The following PROX1 variants were observed in gnomAD, a reference collection of about 807,000 sequenced individuals.
The protein encoded by PROX1 is prospero homeobox protein 1.
A neutral mutation model predicts 58.8 loss-of-function variants in PROX1; 7 were observed. The observed-to-expected ratio is 0.12, with a 90% CI of 0.07 to 0.22. PROX1 has a LOEUF of 0.22. Ranked by LOEUF, PROX1 falls within the 10% of genes least tolerant of loss-of-function variation. PROX1 has a pLI of 1.00. For missense variants in PROX1, 675 were observed against 927.8 expected, an observed-to-expected ratio of 0.73 and a Z score of 3.54; for synonymous variants, 350 against 358.3, an observed-to-expected ratio of 0.98 and a Z score of 0.26.
Position 214,011,636 on chromosome 1 carries a change from C to T in PROX1, c.1949C>T (p.Thr650Ile). 1 of 1,614,110 alleles carries T rather than the reference C, an allele frequency of 6.2e-7. No individual in the cohort carries two copies. The highest frequency in any genetic ancestry group is 1.7e-5 in the Admixed American group (1 of 60,024). Residue 650 changes from threonine (T) to isoleucine (I), a missense_variant, in exon 4 of 5, where the codon ACT (threonine) becomes ATT (isoleucine). Thr to Ile is a moderately conservative substitution (Grantham distance 89, BLOSUM62 -1). Transcript: ENST00000366958. ...RQAINDGVTS[T>I]EELSITRDCE... ...GCCATCAACGATGGGGTCACCAGTA[C>T]TGAAGAGCTGTCTATAACCAGAGAC...
rs562967272 is a variant in PROX1 at position 214,005,266 on chromosome 1, C to T, written c.1827C>T (p.Asp609=). The T allele has an allele frequency of 1.2e-5, 19 of 1,609,250 alleles. No homozygotes were observed. The highest frequency in any genetic ancestry group is 1.7e-4 in the Middle Eastern group (1 of 6,048). ...ATATGCTGAAGACCTACTTCTCCGA[C>T]GTAAAGGTAGGGACTTTTTTTATTC... is the stretch of plus-strand genomic sequence containing the variant. ...SSNMLKTYFS[D]VKFNRCITSQ... The change falls in exon 3 of 5, where the codon GAC becomes GAT. Residue 609 remains aspartate (D), a synonymous_variant. Coordinates refer to ENST00000366958, the MANE Select transcript of PROX1 (RefSeq NM_001270616.2).
chr1:214,036,498 C>A lies in PROX1; in HGVS notation c.*664C>A, dbSNP rs1425888775. On this transcript the variant is annotated 3_prime_UTR_variant, in exon 5 of 5. Coordinates refer to ENST00000366958, the MANE Select transcript of PROX1 (RefSeq NM_001270616.2). Reference sequence around the variant, plus strand: ...AAGTCGTACCAGTTTCTTCTGGAGGCAAAGCAATTTTGCACAAAACCAGCT... The same window carrying A: ...AAGTCGTACCAGTTTCTTCTGGAGGAAAAGCAATTTTGCACAAAACCAGCT... 6.6e-6 allele frequency: 1 copy of A among 152,140 alleles called. No homozygotes were observed. Among genetic ancestry groups the A allele is most frequent in the East Asian group, 1.9e-4 (1 of 5,200 alleles). The allele number at this position is 152,140 out of a possible 1,614,324, so 9.4% of individuals were successfully genotyped here. A position where few individuals can be genotyped will look rare whatever the true frequency, so the allele number is the denominator to read the frequency against.
chr1:213,999,690 G>A (rs547550803), intron 2 of PROX1, among the ~76,000 whole-genome samples: 31 of 152,276 alleles, frequency 2.0e-4, no homozygotes, highest in African/African-American at 6.3e-4. Flanking sequence ...CTACATATAC[G>A]TAGAAATGGA....
chr1:213,983,674 C>T (rs1437631844), upstream of PROX1: 1 of 152,270 alleles, frequency 6.6e-6, no homozygotes, highest in South Asian at 2.1e-4. Flanking sequence ...TCGCGGGAAC[C>T]CCCAGATACG....
chr1:213,985,859 C>T (rs1001946866), upstream of PROX1: 12 of 152,222 alleles, frequency 7.9e-5, no homozygotes, highest in African/African-American at 2.9e-4. Flanking sequence ...TCTCTGCTCT[C>T]CGCCCTTTTA....
At chr1:214,026,879 C>A (rs1664476719) in intron 4 of PROX1, among the ~76,000 whole-genome samples, 1 of 152,134 alleles carries the variant, frequency 6.6e-6, no homozygotes, top group Non-Finnish European at 1.5e-5. Flanking sequence ...CCTGTCAATT[C>A]AAGGTAGATC....
intron 1 of PROX1, among the ~76,000 whole-genome samples, chr1:213,994,776 T>A (rs1459010757): frequency 2.2e-5 from 1 of 45,908 alleles, no homozygotes; most frequent in South Asian, 7.3e-4. Context: ...TATATATATA[T>A]ATATATATAT....
chr1:214,020,075 A>G (rs748008016), intron 4 of PROX1, among the ~76,000 whole-genome samples: 2 of 152,180 alleles, frequency 1.3e-5, no homozygotes, highest in Non-Finnish European at 2.9e-5. Flanking sequence ...GCTCGCCACC[A>G]TGAAGACTAA....
intron 4 of PROX1, among the ~76,000 whole-genome samples, chr1:214,017,679 C>T (rs1436027044): frequency 6.6e-6 from 1 of 152,014 alleles, no homozygotes; most frequent in Non-Finnish European, 1.5e-5. Flanking sequence ...CCTCCCTCAC[C>T]TCCCGCACCC....
At chr1:214,023,065 G>A (rs1664337003) in intron 4 of PROX1, among the ~76,000 whole-genome samples, 1 of 152,146 alleles carries the variant, frequency 6.6e-6, no homozygotes, top group African/African-American at 2.4e-5. Flanking sequence ...TGGAGACATG[G>A]CAATTCCCTT....
chr1:213,993,169 T>C (rs1225726300), intron 1 of PROX1, among the ~76,000 whole-genome samples: 1 of 152,182 alleles, frequency 6.6e-6, no homozygotes, highest in African/African-American at 2.4e-5. Context: ...CTATATAGAC[T>C]TTCACATTAA....
chr1:214,035,609 T>G (rs138046120), intron 4 of PROX1, 40 bp from the exon 5 acceptor site: 2 of 1,571,588 alleles, frequency 1.3e-6, no homozygotes. Context: ...GACTTGAAAC[T>G]GAAAACTTTA....
At chr1:213,995,342 T>G (rs1286293811) in intron 1 of PROX1, among the ~76,000 whole-genome samples, 1 of 152,224 alleles carries the variant, frequency 6.6e-6, no homozygotes, top group Non-Finnish European at 1.5e-5. Context: ...GGATGTTCTC[T>G]TTTTATACTG....
At chr1:214,000,385 C>T (rs1265102603) in intron 2 of PROX1, among the ~76,000 whole-genome samples, 2 of 152,184 alleles carry the variant, frequency 1.3e-5, no homozygotes, top group Non-Finnish European at 2.9e-5. Context: ...TATTTTGATA[C>T]ATATCAAAGG....
At chr1:214,006,102 T>C (rs897519905) in intron 3 of PROX1, among the ~76,000 whole-genome samples, 1 of 152,162 alleles carries the variant, frequency 6.6e-6, no homozygotes, top group African/African-American at 2.4e-5. Context: ...TCCCAGGAAC[T>C]TGATAAACAC....
rs1663564640 is a variant in PROX1, at chr1:214,002,610, A to G, written c.1726-2555A>G. Among the ~76,000 whole-genome samples, 3 of 151,306 alleles carry G rather than the reference A, an allele frequency of 2.0e-5. No homozygotes were observed. In the South Asian group the frequency reaches 6.3e-4, roughly 32 times the overall value. The stretch of plus-strand genomic sequence containing the variant: ...CACCCCACTCCCCTTTACCTCCTTA[A>G]TATTTATTTGTGCTCATTTTCTTTC... On this transcript the variant is annotated intron_variant, in intron 2 of 4. Coordinates refer to ENST00000366958, the MANE Select transcript of PROX1 (RefSeq NM_001270616.2).
chr1:214,015,276 C>T (rs1249952054), intron 4 of PROX1, among the ~76,000 whole-genome samples: 4 of 152,082 alleles, frequency 2.6e-5, no homozygotes, highest in Non-Finnish European at 4.4e-5. Context: ...GTGTGAGGCA[C>T]GCAGGAGAGG....
chr1:214,000,038 TCTCTTACACAC>T (rs1663438829), intron 2 of PROX1, among the ~76,000 whole-genome samples: 1 of 141,128 alleles, frequency 7.1e-6, no homozygotes, highest in African/African-American at 2.8e-5. Flanking sequence ...TCTCTCTCTC[TCTCTTACACAC>T]ACACACACAC....
chr1:214,018,657 C>T (rs139813082), intron 4 of PROX1, among the ~76,000 whole-genome samples: 3 of 152,254 alleles, frequency 2.0e-5, no homozygotes, highest in African/African-American at 7.2e-5. Flanking sequence ...TAGTAAATCA[C>T]AGAGGTTTAA....
Sources: gnomAD v4.1 joint callset for allele counts (sites outside exome capture counted in the v4.1 genomes callset) on GRCh38, gnomAD v4.1.1 for gene constraint, MANE v1.5 for transcripts, NCBI Gene and HGNC (gene_info 2026-07-23, HGNC 2026-07-21) for gene names.